ATXN1: variants seen among roughly 807,000 people sequenced by gnomAD.
ATXN1 encodes ataxin-1.
Under a neutral mutation model 56.4 loss-of-function variants are expected in ATXN1, and 8 were observed. That is an observed-to-expected ratio of 0.14 (90% confidence interval 0.08 to 0.26). The LOEUF is 0.26. Among genes scored for constraint, ATXN1 ranks in the 10% least tolerant of loss-of-function variants. The pLI is 1.00. For missense variants in ATXN1, 987 were observed against 1,106.5 expected, an observed-to-expected ratio of 0.89 and a Z score of 1.53; for synonymous variants, 514 against 494.6, an observed-to-expected ratio of 1.04 and a Z score of -0.52.
chr6:16,422,762 G>A (rs1409448117), intron 6 of ATXN1, among the ~76,000 whole-genome samples: 3 of 152,248 alleles, frequency 2.0e-5, no homozygotes, highest in East Asian at 1.9e-4. Flanking sequence ...TACAAAAAAT[G>A]GATACATGAC....
At chr6:16,601,062 G>A (rs1368248702) in intron 3 of ATXN1, among the ~76,000 whole-genome samples, 7 of 152,154 alleles carry the variant, frequency 4.6e-5, no homozygotes, top group Non-Finnish European at 8.8e-5. Context: ...AATTATACGG[G>A]TAGTCAAAAA....
At chr6:16,346,380 T>G (rs1244395223) in intron 6 of ATXN1, among the ~76,000 whole-genome samples, 4 of 152,198 alleles carry the variant, frequency 2.6e-5, no homozygotes. Context: ...ATTTAATTTA[T>G]TTTTAAATTT....
intron 5 of ATXN1, among the ~76,000 whole-genome samples, chr6:16,497,541 C>A (rs1489086637): frequency 6.6e-6 from 1 of 152,204 alleles, no homozygotes; most frequent in East Asian, 1.9e-4. Context: ...AATTTACATT[C>A]TTGTTCGTGT....
intron 6 of ATXN1, among the ~76,000 whole-genome samples, chr6:16,471,117 C>T (rs1760208084): frequency 3.9e-5 from 6 of 151,986 alleles, no homozygotes; most frequent in Admixed American, 3.9e-4. Flanking sequence ...GACCTTTTGC[C>T]ACAAGTTTTC....
chr6:16,685,823 A>G (rs938375030), intron 2 of ATXN1, among the ~76,000 whole-genome samples: 2 of 152,232 alleles, frequency 1.3e-5, no homozygotes, highest in Admixed American at 6.5e-5. Context: ...AAGCAAAGAC[A>G]TTCATTTTAT....
At chr6:16,554,724 G>A (rs1206151078) in intron 4 of ATXN1, among the ~76,000 whole-genome samples, 1 of 152,170 alleles carries the variant, frequency 6.6e-6, no homozygotes, top group Non-Finnish European at 1.5e-5. Flanking sequence ...AAAGTGCTGG[G>A]ATTACAGGCA....
chr6:16,391,578 T>C (rs1267321542), intron 6 of ATXN1, among the ~76,000 whole-genome samples: 1 of 148,448 alleles, frequency 6.7e-6, no homozygotes, highest in Non-Finnish European at 1.5e-5. Flanking sequence ...CATGAATTTG[T>C]TATCTGTTTT....
At chr6:16,664,492 A>AT (rs1758385966) in intron 2 of ATXN1, among the ~76,000 whole-genome samples, 1 of 152,192 alleles carries the variant, frequency 6.6e-6, no homozygotes, top group South Asian at 2.1e-4. Context: ...TAAAAGGAGG[A>AT]TAAAAAAAGG....
intron 2 of ATXN1, among the ~76,000 whole-genome samples, chr6:16,670,519 TGG>T (rs68174733): frequency 6.6e-6 from 1 of 152,220 alleles, no homozygotes; most frequent in Non-Finnish European, 1.5e-5. Context: ...AAAACAGATG[TGG>T]AGGATACATG....
At chr6:16,362,152 C>T (rs1046356493) in intron 6 of ATXN1, among the ~76,000 whole-genome samples, 6 of 152,124 alleles carry the variant, frequency 3.9e-5, no homozygotes, top group South Asian at 4.1e-4. Flanking sequence ...GGCAGAAACC[C>T]GTGACGATGG....
At chr6:16,662,490 G>A (rs951376375) in intron 2 of ATXN1, among the ~76,000 whole-genome samples, 1 of 152,012 alleles carries the variant, frequency 6.6e-6, no homozygotes, top group East Asian at 1.9e-4. Context: ...ACGCCACCAC[G>A]CCCAGCTAAT....
chr6:16,364,517 A>G (rs1470205221), intron 6 of ATXN1, among the ~76,000 whole-genome samples: 1 of 151,924 alleles, frequency 6.6e-6, no homozygotes, highest in Non-Finnish European at 1.5e-5. Flanking sequence ...GTTAGCCAGG[A>G]TGGTCTCGAT....
chr6:16,744,180 C>T (rs1760442310), intron 2 of ATXN1, among the ~76,000 whole-genome samples: 1 of 152,122 alleles, frequency 6.6e-6, no homozygotes, highest in South Asian at 2.1e-4. Flanking sequence ...ACTTTGAGAC[C>T]AGCCTTCCTC....
At chr6:16,518,174 G>A (rs942841164) in intron 5 of ATXN1, among the ~76,000 whole-genome samples, 1 of 152,178 alleles carries the variant, frequency 6.6e-6, no homozygotes, top group Non-Finnish European at 1.5e-5. Flanking sequence ...GGCCTGATGG[G>A]GTGCAGGGAG....
At chr6:16,433,047 A>G (rs1167415149) in intron 6 of ATXN1, 1 of 152,208 alleles carries the variant, frequency 6.6e-6, no homozygotes, top group Non-Finnish European at 1.5e-5. Flanking sequence ...GCAACAATAC[A>G]ATGAATAGGT....
intron 2 of ATXN1, among the ~76,000 whole-genome samples, chr6:16,745,421 T>C (rs1172471257): frequency 1.3e-5 from 2 of 152,214 alleles, no homozygotes; most frequent in Non-Finnish European, 2.9e-5. Flanking sequence ...ATGAGAACTG[T>C]ATAGCTGAAG....
intron 7 of ATXN1, among the ~76,000 whole-genome samples, chr6:16,322,668 T>C (rs950788181): frequency 2.0e-5 from 3 of 152,220 alleles, no homozygotes; most frequent in African/African-American, 7.2e-5. Context: ...AGGAAGGCAC[T>C]GCAGAGGGGA....
intron 2 of ATXN1, among the ~76,000 whole-genome samples, chr6:16,700,375 G>A (rs984863657): frequency 6.6e-5 from 10 of 152,092 alleles, no homozygotes; most frequent in African/African-American, 2.4e-5. Flanking sequence ...TGTTTCTGCT[G>A]GTGCATATCT....
intron 3 of ATXN1, among the ~76,000 whole-genome samples, chr6:16,622,303 A>C (rs1326494662): frequency 1.3e-5 from 2 of 152,206 alleles, no homozygotes; most frequent in Non-Finnish European, 2.9e-5. Flanking sequence ...TTAAACGGTA[A>C]GGAGCTTAGC....
Sources: gnomAD v4.1 joint callset for allele counts (sites outside exome capture counted in the v4.1 genomes callset) on GRCh38, gnomAD v4.1.1 for gene constraint, MANE v1.5 for transcripts, NCBI Gene and HGNC (gene_info 2026-07-23, HGNC 2026-07-21) for gene names.